Variants in NRXN1 observed in about 807,000 individuals in gnomAD.
NRXN1 encodes neurexin-1.
In NRXN1, 39 loss-of-function variants were observed where a neutral mutation model predicts 150.9. The ratio of observed to expected loss-of-function variants is 0.26; its 90% CI spans 0.20 to 0.34. The LOEUF (loss-of-function observed/expected upper bound fraction) is 0.34, where lower values mean the gene tolerates loss of function less well. Ranked by LOEUF, NRXN1 falls within the 10% of genes least tolerant of loss-of-function variation. NRXN1 has a pLI of 1.00. For missense variants in NRXN1, 1,815 were observed against 1,949.9 expected (o/e 0.93, Z 1.30); for synonymous variants, 924 against 757.0 (o/e 1.22, Z -3.62).
At chr2:50,578,351 A>G (rs997425358) in intron 8 of NRXN1, among the ~76,000 whole-genome samples, 2 of 152,286 alleles carry the variant, frequency 1.3e-5, no homozygotes, top group East Asian at 3.9e-4. Context: ...TGATAGGGGT[A>G]CTTAGGAGGA....
At chr2:50,865,743 T>G (rs1559368849) in intron 5 of NRXN1, among the ~76,000 whole-genome samples, 1 of 146,570 alleles carries the variant, frequency 6.8e-6, no homozygotes, top group Non-Finnish European at 1.5e-5. Context: ...ATTTGATAGT[T>G]TTTTTTTGGT....
intron 5 of NRXN1, chr2:50,898,672 T>A (rs2103923894): frequency 4.8e-6 from 2 of 412,892 alleles, no homozygotes; most frequent in African/African-American, 2.1e-5. Flanking sequence ...AAAATTTAAT[T>A]TTCCTATGAA....
In NRXN1 at chr2:51,003,702, A is replaced by T. The variant is rs527468903; in HGVS notation, c.772+23800T>A. 5.9e-5 allele frequency among the ~76,000 whole-genome samples: 9 copies of T among 152,064 alleles called. No homozygotes were observed. In the East Asian group the frequency reaches 1.8e-3, roughly 30 times the overall value. Reference sequence around the variant, plus strand: ...ATGACAATATATCCTGCTTGTACACACAATAGTAACATATTTCTGCCACAA... The same window carrying T: ...ATGACAATATATCCTGCTTGTACACTCAATAGTAACATATTTCTGCCACAA... On this transcript the variant is annotated intron_variant, in intron 2 of 22. Transcript: ENST00000401669.
At chr2:50,934,997 A>T (rs960079175) in intron 2 of NRXN1, among the ~76,000 whole-genome samples, 1 of 152,188 alleles carries the variant, frequency 6.6e-6, no homozygotes, top group African/African-American at 2.4e-5. Context: ...CTAGTAATCT[A>T]ATATCGTCTT....
At chr2:50,266,460 TATG>T (rs1213149553) in intron 17 of NRXN1, among the ~76,000 whole-genome samples, 3 of 147,752 alleles carry the variant, frequency 2.0e-5, no homozygotes, top group African/African-American at 7.4e-5. Flanking sequence ...AATTATATAT[TATG>T]ATATAACTCT....
chr2:50,569,788 G>A (rs552445363), intron 8 of NRXN1, among the ~76,000 whole-genome samples: 7 of 152,064 alleles, frequency 4.6e-5, no homozygotes, highest in East Asian at 1.9e-4. Context: ...ACTTCTGCAG[G>A]TGTATAACTG....
intron 18 of NRXN1, among the ~76,000 whole-genome samples, chr2:50,158,177 T>C (rs896206270): frequency 6.6e-6 from 1 of 150,858 alleles, no homozygotes; most frequent in African/African-American, 2.4e-5. Context: ...CCACATCTGA[T>C]CCATAATTTC....
chr2:50,581,774 T>C (rs1308487917), intron 8 of NRXN1, among the ~76,000 whole-genome samples: 1 of 152,108 alleles, frequency 6.6e-6, no homozygotes, highest in Non-Finnish European at 1.5e-5. Context: ...TAGCTAGAAA[T>C]GATGGAGCCA....
At chr2:50,869,472 A>G (rs1209402787) in intron 5 of NRXN1, among the ~76,000 whole-genome samples, 4 of 151,644 alleles carry the variant, frequency 2.6e-5, no homozygotes, top group Admixed American at 2.6e-4. Flanking sequence ...AAAAAAGATG[A>G]CTATTAAAGT....
intron 17 of NRXN1, among the ~76,000 whole-genome samples, chr2:50,256,048 C>A (rs1004067772): frequency 3.3e-5 from 5 of 152,080 alleles, no homozygotes; most frequent in African/African-American, 1.2e-4. Flanking sequence ...TACATTTAAC[C>A]AAGAGAGCAG....
chr2:50,525,020 G>A lies in NRXN1; in HGVS notation c.2374+3605C>T, dbSNP rs1387535775. On this transcript the variant is annotated intron_variant, in intron 12 of 22. Transcript: ENST00000401669. The stretch of plus-strand genomic sequence containing the variant: ...GGCAGATATAAAGAATGCAGAATGA[G>A]ACTAATGTCCTGTACAGAACCTACT... 3.9e-5 allele frequency among the ~76,000 whole-genome samples: 6 copies of A among 152,174 alleles called. 1 individual carries two copies. In the South Asian group the frequency reaches 1.2e-3, roughly 31 times the overall value.
intron 18 of NRXN1, among the ~76,000 whole-genome samples, chr2:50,163,500 T>A (rs2059492421): frequency 6.6e-6 from 1 of 152,110 alleles, no homozygotes; most frequent in Admixed American, 6.6e-5. Flanking sequence ...CTAACACAGT[T>A]TCTATTTTGA....
intron 17 of NRXN1, among the ~76,000 whole-genome samples, chr2:50,360,159 C>T (rs1290968589): frequency 3.3e-5 from 5 of 151,788 alleles, no homozygotes; most frequent in Admixed American, 3.3e-4. Context: ...ATGTGAAAGA[C>T]CAATGTGTGT....
At chr2:51,026,304 T>C (rs1356293896) in intron 2 of NRXN1, 10 of 1,011,508 alleles carry the variant, frequency 9.9e-6, no homozygotes, top group Non-Finnish European at 1.5e-5. Context: ...ACCCATAAGC[T>C]ATCTACTTTA....
At chr2:50,354,586 T>C (rs191374414) in intron 17 of NRXN1, among the ~76,000 whole-genome samples, 1,858 of 124,704 alleles carry the variant, frequency 0.015, 33 homozygotes, top group African/African-American at 0.038. Flanking sequence ...TATATATATA[T>C]ACACACACAC....
intron 5 of NRXN1, chr2:50,624,695 G>C (rs1038836736): frequency 6.6e-6 from 1 of 152,092 alleles, no homozygotes; most frequent in Admixed American, 6.6e-5. Context: ...CCCTGGTGTA[G>C]TTAAGCAGAT....
At chr2:50,586,732 G>T (rs1673158574) in intron 8 of NRXN1, among the ~76,000 whole-genome samples, 1 of 152,206 alleles carries the variant, frequency 6.6e-6, no homozygotes, top group Non-Finnish European at 1.5e-5. Context: ...ACCCTAAGTG[G>T]AAGGGGTTGG....
At chr2:50,039,331 T>C (rs1690558328) in intron 21 of NRXN1, among the ~76,000 whole-genome samples, 1 of 152,062 alleles carries the variant, frequency 6.6e-6, no homozygotes, top group Non-Finnish European at 1.5e-5. Context: ...CTGGGCATGG[T>C]GGTGCACGCC....
chr2:50,150,515 G>A (rs908855755), intron 18 of NRXN1, among the ~76,000 whole-genome samples: 2 of 151,752 alleles, frequency 1.3e-5, no homozygotes, highest in African/African-American at 4.8e-5. Context: ...AGAAGCAAAA[G>A]TATATTACTG....
Sources: gnomAD v4.1 joint callset for allele counts (sites outside exome capture counted in the v4.1 genomes callset) on GRCh38, gnomAD v4.1.1 for gene constraint, MANE v1.5 for transcripts, NCBI Gene and HGNC (gene_info 2026-07-23, HGNC 2026-07-21) for gene names.